FGFR2: variants seen among roughly 807,000 people sequenced by gnomAD.
FGFR2 encodes the protein fibroblast growth factor receptor 2.
FGFR2 carries 19 observed loss-of-function variants against 95.9 expected under a neutral mutation model. That is an observed-to-expected ratio of 0.20 (90% CI 0.14 to 0.29). The LOEUF (loss-of-function observed/expected upper bound fraction) is 0.29. FGFR2 is among the 10% of genes least tolerant of loss of function. The pLI, the probability that FGFR2 is intolerant of heterozygous loss-of-function variation, is 1.00. For synonymous variants in FGFR2, 392 were observed against 393.3 expected, an observed-to-expected ratio of 1.00 and a Z score of 0.04; for missense variants, 707 against 1,056.9, an observed-to-expected ratio of 0.67 and a Z score of 4.59.
At chr10:121,491,453 T>C (rs2133877340) in intron 13 of FGFR2, among the ~76,000 whole-genome samples, 1 of 152,236 alleles carries the variant, frequency 6.6e-6, no homozygotes, top group East Asian at 1.9e-4. Flanking sequence ...AAGACCAACA[T>C]CCCTATGATG....
chr10:121,594,771 G>C (rs1337139584), intron 1 of FGFR2, among the ~76,000 whole-genome samples: 1 of 152,222 alleles, frequency 6.6e-6, no homozygotes, highest in Non-Finnish European at 1.5e-5. Flanking sequence ...AAACTGAGCA[G>C]ATGCAAATTC....
intron 12 of FGFR2, 130 bp from the exon 13 acceptor site, chr10:121,496,852 T>G (rs377431403): frequency 2.5e-6 from 2 of 795,480 alleles, no homozygotes; most frequent in Non-Finnish European, 4.0e-6. Context: ...ATACAGCGGC[T>G]GGGCGTGGTG....
In FGFR2 at chr10:121,496,544, C is replaced by G; in HGVS notation, c.1851G>C (p.Leu617Phe). The change falls in exon 13 of 18, where the codon TTG becomes TTC. Residue 617 changes from leucine (L) to phenylalanine (F), a missense_variant. This residue lies in a region of FGFR2 where 104 missense variants were observed against 214.2 expected (regional missense o/e 0.49). Coordinates refer to ENST00000358487, the MANE Select transcript of FGFR2 (RefSeq NM_000141.5). ...TYQLARGMEY[L>F]ASQKCIHRDL... ...GTGAAAGACTCACTTTTTGGGAAGC[C>G]AAGTACTCCATGCCTCTGGCCAGCT... 1 of 1,614,098 alleles carries G rather than the reference C, an allele frequency of 6.2e-7. No individual in the cohort carries two copies. The highest frequency in any genetic ancestry group is 8.5e-7 in the Non-Finnish European group (1 of 1,180,020).
chr10:121,507,648 T>C (rs1460196594), intron 9 of FGFR2, among the ~76,000 whole-genome samples: 1 of 151,570 alleles, frequency 6.6e-6, no homozygotes, highest in African/African-American at 2.4e-5. Context: ...GATGATAAAA[T>C]GAGGGAAAAA....
intron 9 of FGFR2, among the ~76,000 whole-genome samples, chr10:121,513,032 G>T (rs1849260354): frequency 6.6e-6 from 1 of 152,100 alleles, no homozygotes; most frequent in African/African-American, 2.4e-5. Context: ...ACCACACCCA[G>T]CTAATTTTTG....
At position 121,525,624 on chromosome 10, in the gene FGFR2, G is replaced by GGA. The variant is rs3035990; in HGVS notation, c.749-5457_749-5456dup. ...TTCCTTCCAAGAGGTCATTATTGAGGGAGAGAGAGAGAGAGAGAGAGAGGA... is the reference window on the plus strand; with the variant it reads ...TTCCTTCCAAGAGGTCATTATTGAGGGAGAGAGAGAGAGAGAGAGAGAGAGGA... On this transcript the variant is annotated intron_variant, in intron 6 of 17. Transcript: ENST00000358487. Among the ~76,000 whole-genome samples, 124 of 149,370 alleles carry GGA rather than the reference G, an allele frequency of 8.3e-4. 2 individuals carry two copies. The highest frequency in any genetic ancestry group is 3.0e-3 in the African/African-American group (120 of 40,474).
chr10:121,544,303 G>C (rs991093615), intron 5 of FGFR2, among the ~76,000 whole-genome samples: 1 of 151,936 alleles, frequency 6.6e-6, no homozygotes, highest in Non-Finnish European at 1.5e-5. Flanking sequence ...AAAATTAGCC[G>C]GGCATGGTGG....
chr10:121,550,583 T>C (rs1227646902), intron 5 of FGFR2, among the ~76,000 whole-genome samples: 1 of 152,148 alleles, frequency 6.6e-6, no homozygotes, highest in East Asian at 1.9e-4. Flanking sequence ...CCTTAATGCA[T>C]CATATTTCAT....
intron 9 of FGFR2, among the ~76,000 whole-genome samples, chr10:121,505,721 G>A (rs946570736): frequency 2.6e-5 from 4 of 152,172 alleles, no homozygotes; most frequent in African/African-American, 7.2e-5. Context: ...TCACTGTAGT[G>A]AGCTAACCTC....
At chr10:121,584,348 C>T in intron 2 of FGFR2, among the ~76,000 whole-genome samples, 1 of 150,932 alleles carries the variant, frequency 6.6e-6, no homozygotes, top group South Asian at 2.1e-4. Flanking sequence ...CGCACCCCAC[C>T]CCAACCAATC....
In FGFR2 at chr10:121,519,818, A is replaced by T. The variant is rs979072615; in HGVS notation, c.939+161T>A. The T allele has an allele frequency of 1.1e-5, 7 of 656,234 alleles. No individual in the cohort carries two copies. The East Asian group carries it at 1.9e-4, about 18-fold the overall frequency. 40.7% of individuals were successfully genotyped at this position (656,234 alleles called of 1,614,324 possible). A position where few individuals can be genotyped will look rare whatever the true frequency, so the allele number is the denominator to read the frequency against. Reference sequence around the variant, plus strand: ...CATAGTTCCCTTCTGAAATTCTACTAGCAAGTGTAATGATCTGTTAATTCC... The same window carrying T: ...CATAGTTCCCTTCTGAAATTCTACTTGCAAGTGTAATGATCTGTTAATTCC... On this transcript the variant is annotated intron_variant, in intron 7 of 17. Transcript: ENST00000358487.
chr10:121,490,724 G>A (rs1846025798), intron 13 of FGFR2, among the ~76,000 whole-genome samples: 1 of 152,124 alleles, frequency 6.6e-6, no homozygotes, highest in Non-Finnish European at 1.5e-5. Flanking sequence ...GGCGATCTTA[G>A]GCACTCCACG....
chr10:121,518,608 CA>C lies in FGFR2; in HGVS notation c.940-1146del. 6.3e-7 allele frequency: 1 copy of C among 1,582,578 alleles called. No individual in the cohort carries two copies. Among genetic ancestry groups the C allele is most frequent in the Non-Finnish European group, 8.7e-7 (1 of 1,155,682 alleles). On this transcript the variant is annotated intron_variant, in intron 7 of 17. Transcript: ENST00000358487. This position sits in a 1 kb window ranked among gnomAD's most constrained non-coding sequence, Gnocchi z 4.0. ...ATCCTATAAGCTGCCTGCAGTCTCC[CA>C]AAGCACCAAGTCTTTTCAGCTTCTA... is the stretch of plus-strand genomic sequence containing the variant.
chr10:121,521,729 T>G (rs930406576), intron 6 of FGFR2, among the ~76,000 whole-genome samples: 1 of 151,036 alleles, frequency 6.6e-6, no homozygotes, highest in Admixed American at 6.6e-5. Flanking sequence ...TATAAAATGA[T>G]GCAGCCACCA....
At chr10:121,551,496 G>C (rs2134846397) in intron 4 of FGFR2, 37 bp from the exon 5 acceptor site, 1 of 1,590,754 alleles carries the variant, frequency 6.3e-7, no homozygotes, top group Admixed American at 1.7e-5. Context: ...TATACTGATG[G>C]ACAGCTTCCC....
At chr10:121,592,929 G>A (rs1294337790) in intron 2 of FGFR2, among the ~76,000 whole-genome samples, 1 of 152,198 alleles carries the variant, frequency 6.6e-6, no homozygotes, top group Non-Finnish European at 1.5e-5. Context: ...GCACCAAGTA[G>A]AGGCTTGGCT....
intron 15 of FGFR2, 123 bp downstream of exon 15, chr10:121,487,223 AAGGCCAGC>A: frequency 2.3e-5 from 4 of 172,814 alleles, no homozygotes; most frequent in African/African-American, 5.9e-5. Flanking sequence ...TGTCCTTTCT[AAGGCCAGC>A]TCCTGCACCT....
rs1356054040 is a variant in FGFR2, at chr10:121,514,937, G to A, written c.1287+180C>T. ...ACTGGACCCCATTGATCCAAGCAACGCACCATGACTAGACTCTCCAAGCTC... is the reference window on the plus strand; with the variant it reads ...ACTGGACCCCATTGATCCAAGCAACACACCATGACTAGACTCTCCAAGCTC... On this transcript the variant is annotated intron_variant, in intron 9 of 17. Transcript: ENST00000358487. Among the ~76,000 whole-genome samples the A allele has an allele frequency of 3.9e-5, 6 of 152,228 alleles. No individual in the cohort carries two copies. The East Asian group carries it at 5.8e-4, about 15-fold the overall frequency.
At chr10:121,521,439 A>C (rs1850523410) in intron 6 of FGFR2, among the ~76,000 whole-genome samples, 2 of 152,306 alleles carry the variant, frequency 1.3e-5, no homozygotes, top group South Asian at 4.1e-4. Flanking sequence ...TAGCAACCAC[A>C]CATGAGACTC....
Sources: gnomAD v4.1 joint callset for allele counts (sites outside exome capture counted in the v4.1 genomes callset) on GRCh38, gnomAD v4.1.1 for gene constraint, gnomAD v4.1.1 regional missense constraint, Gnocchi (gnomAD v3.1) non-coding constraint, MANE v1.5 for transcripts, NCBI Gene and HGNC (gene_info 2026-07-23, HGNC 2026-07-21) for gene names.